Variants in TTC7A observed in about 807,000 individuals in gnomAD.
The protein encoded by TTC7A is tetratricopeptide repeat protein 7A.
A neutral mutation model predicts 103.7 loss-of-function variants in TTC7A; 110 were observed. The observed-to-expected ratio is 1.06, with a 90% confidence interval of 0.91 to 1.24. The LOEUF is 1.24. TTC7A is among the 50% of genes most tolerant of loss of function. TTC7A has a pLI of 0.00. For missense variants in TTC7A, 1,340 were observed against 1,116.3 expected (o/e 1.20, Z -2.86); for synonymous variants, 521 against 467.9 (o/e 1.11, Z -1.47).
At chr2:46,946,858 A>G (rs1297518066) in intron 1 of TTC7A, among the ~76,000 whole-genome samples, 1 of 152,172 alleles carries the variant, frequency 6.6e-6, no homozygotes, top group Non-Finnish European at 1.5e-5. Context: ...GGGAGAGGAG[A>G]GTTGAGCAAA....
intron 4 of TTC7A, among the ~76,000 whole-genome samples, chr2:46,978,432 A>C (rs1674086966): frequency 6.6e-6 from 1 of 152,130 alleles, no homozygotes; most frequent in Non-Finnish European, 1.5e-5. Flanking sequence ...GTGATTGTTG[A>C]ATGAATGTTA....
At chr2:46,961,056 G>A (rs1460135589) in intron 3 of TTC7A, among the ~76,000 whole-genome samples, 1 of 152,166 alleles carries the variant, frequency 6.6e-6, no homozygotes, top group African/African-American at 2.4e-5. Flanking sequence ...TAGAGTGGAA[G>A]CCCACTCCTC....
chr2:46,944,793 G>T (rs575621496), intron 1 of TTC7A, among the ~76,000 whole-genome samples: 1 of 152,050 alleles, frequency 6.6e-6, no homozygotes, highest in African/African-American at 2.4e-5. Flanking sequence ...CTCCTACCTC[G>T]GCCTCCCAAA....
intron 5 of TTC7A, among the ~76,000 whole-genome samples, chr2:46,984,050 T>A (rs1282915974): frequency 1.3e-5 from 2 of 152,246 alleles, no homozygotes; most frequent in African/African-American, 2.4e-5. Context: ...GGCACTTGCA[T>A]GTCTGTTAGT....
intron 18 of TTC7A, among the ~76,000 whole-genome samples, chr2:47,052,882 T>G (rs1311574323): frequency 6.6e-6 from 1 of 152,134 alleles, no homozygotes; most frequent in Non-Finnish European, 1.5e-5. Flanking sequence ...TGTGCTATTG[T>G]CCCCAGGGGG....
At chr2:47,005,091 T>G (rs1192386489) in intron 8 of TTC7A, among the ~76,000 whole-genome samples, 1 of 152,204 alleles carries the variant, frequency 6.6e-6, no homozygotes, top group Non-Finnish European at 1.5e-5. Context: ...GGCAACTCTG[T>G]GAGCTACTGA....
chr2:46,948,174 G>A (rs992501476), intron 1 of TTC7A, among the ~76,000 whole-genome samples: 2 of 152,192 alleles, frequency 1.3e-5, no homozygotes, highest in Non-Finnish European at 2.9e-5. Flanking sequence ...AACAAGGCGG[G>A]GACCAGCTGG....
chr2:46,937,093 T>TGATCTGCCCACAAGCA (rs988375427), upstream of TTC7A, among the ~76,000 whole-genome samples: 4 of 152,106 alleles, frequency 2.6e-5, no homozygotes, highest in African/African-American at 9.7e-5. The surrounding 1 kb of genome is among the most constrained non-coding windows in gnomAD (Gnocchi z 4.0). Flanking sequence ...TGAGCTCAAG[T>TGATCTGCCCACAAGCA]GATCTGCCCA....
intron 3 of TTC7A, among the ~76,000 whole-genome samples, chr2:46,973,837 G>A (rs1673594919): frequency 6.6e-6 from 1 of 152,184 alleles, no homozygotes; most frequent in African/African-American, 2.4e-5. Context: ...GGCTTCTTCA[G>A]AGGTCACTTT....
intron 11 of TTC7A, among the ~76,000 whole-genome samples, chr2:47,016,901 TA>T (rs956293264): frequency 3.3e-5 from 5 of 150,092 alleles, no homozygotes; most frequent in South Asian, 2.1e-4. Context: ...ATAGAACTCT[TA>T]AAAAAAAAAT....
chr2:46,932,474 T>C (rs569434724), intron 2 of TTC7A, among the ~76,000 whole-genome samples: 4 of 152,244 alleles, frequency 2.6e-5, no homozygotes, highest in African/African-American at 9.6e-5. Context: ...TGACCCTAGT[T>C]GATGGTTAAT....
chr2:47,037,894 A>C (rs1681284614), intron 15 of TTC7A, among the ~76,000 whole-genome samples: 1 of 152,186 alleles, frequency 6.6e-6, no homozygotes, highest in Non-Finnish European at 1.5e-5. Context: ...TTTTATGTGC[A>C]CGATGTCCTG....
intron 1 of TTC7A, among the ~76,000 whole-genome samples, chr2:46,916,824 G>A (rs538856564): frequency 3.3e-5 from 5 of 151,982 alleles, no homozygotes; most frequent in East Asian, 1.9e-4. Context: ...TAGTAGAGAC[G>A]GGGTTTCACC....
chr2:46,967,294 C>T (rs1672946865), intron 3 of TTC7A, among the ~76,000 whole-genome samples: 1 of 152,198 alleles, frequency 6.6e-6, no homozygotes, highest in Non-Finnish European at 1.5e-5. Context: ...TACTAAGACA[C>T]TGTTGTGCAA....
At chr2:46,931,095 T>G (rs1235806209) in intron 2 of TTC7A, among the ~76,000 whole-genome samples, 1 of 152,204 alleles carries the variant, frequency 6.6e-6, no homozygotes, top group Non-Finnish European at 1.5e-5. Flanking sequence ...ATCAATGTGA[T>G]AGACAGAATA....
rs1685163040 is a variant in TTC7A at position 47,075,743 on chromosome 2, T to A, written c.*1820T>A. On this transcript the variant is annotated 3_prime_UTR_variant, in exon 20 of 20. Transcript: ENST00000319190. ...TGGGAGGGAGGACCCTCTGGGAAAA[T>A]GTGGATTTGAGCTGGTGAGAGTGTT... The A allele has an allele frequency of 6.6e-6, 1 of 152,070 alleles. No homozygotes were observed. Among genetic ancestry groups the A allele is most frequent in the Admixed American group, 6.6e-5 (1 of 15,254 alleles). The allele number at this position is 152,070 out of a possible 1,614,324, so 9.4% of individuals were successfully genotyped here.
At chr2:47,033,424 C>T (rs977967962) in intron 15 of TTC7A, among the ~76,000 whole-genome samples, 2 of 152,194 alleles carry the variant, frequency 1.3e-5, no homozygotes, top group Admixed American at 6.5e-5. Context: ...GAGCCTGCCT[C>T]GGGAATGGCA....
chr2:46,946,501 A>G (rs888872479), intron 1 of TTC7A, among the ~76,000 whole-genome samples: 1 of 152,018 alleles, frequency 6.6e-6, no homozygotes, highest in South Asian at 2.1e-4. Flanking sequence ...ATGGCTCCCT[A>G]CAGCGTTGAA....
intron 18 of TTC7A, among the ~76,000 whole-genome samples, chr2:47,058,815 G>T (rs966519265): frequency 6.6e-6 from 1 of 152,106 alleles, no homozygotes; most frequent in Non-Finnish European, 1.5e-5. Flanking sequence ...GTGTGTGTGT[G>T]GGGGCTGGCC....
Sources: gnomAD v4.1 joint callset for allele counts (sites outside exome capture counted in the v4.1 genomes callset) on GRCh38, gnomAD v4.1.1 for gene constraint, Gnocchi (gnomAD v3.1) non-coding constraint, MANE v1.5 for transcripts, NCBI Gene and HGNC (gene_info 2026-07-23, HGNC 2026-07-21) for gene names.